Variants in ITPRID1 observed in about 807,000 individuals in gnomAD.
ITPRID1 encodes ITPR interacting domain containing 1, also known as protein ITPRID1.
ITPRID1 carries 96 observed loss-of-function variants against 95.4 expected under a neutral mutation model. The observed-to-expected ratio is 1.01, with a 90% CI of 0.85 to 1.19. The LOEUF (loss-of-function observed/expected upper bound fraction) is 1.19, where lower values mean the gene tolerates loss of function less well. Among genes scored for constraint, ITPRID1 ranks in the 50% most tolerant of loss-of-function variants. The pLI is 0.00. For missense variants in ITPRID1, 1,339 were observed against 1,252.9 expected, an observed-to-expected ratio of 1.07 and a Z score of -1.04; for synonymous variants, 510 against 453.6, an observed-to-expected ratio of 1.12 and a Z score of -1.58.
chr7:31,644,490 T>C (rs914645238), intron 12 of ITPRID1, among the ~76,000 whole-genome samples: 1 of 152,206 alleles, frequency 6.6e-6, no homozygotes, highest in Non-Finnish European at 1.5e-5. Context: ...GTTACTCTTA[T>C]ATGTGTTACT....
chr7:31,638,278 A>G (rs765379605), intron 10 of ITPRID1, among the ~76,000 whole-genome samples: 6 of 152,220 alleles, frequency 3.9e-5, no homozygotes, highest in Non-Finnish European at 7.3e-5. Flanking sequence ...GAAGTCTTAA[A>G]TATTACACTA....
intron 1 of ITPRID1, among the ~76,000 whole-genome samples, chr7:31,539,174 G>T (rs1562555499): frequency 6.6e-6 from 1 of 152,020 alleles, no homozygotes; most frequent in African/African-American, 2.4e-5. Context: ...GTGAACATAA[G>T]TTTTTTTGTT....
At chr7:31,546,744 G>A (rs566555302) in intron 1 of ITPRID1, among the ~76,000 whole-genome samples, 4 of 152,146 alleles carry the variant, frequency 2.6e-5, no homozygotes, top group Admixed American at 6.5e-5. Context: ...AAAATCTCAC[G>A]ATGGTTAAAC....
chr7:31,590,588 C>G (rs902003204), intron 10 of ITPRID1, among the ~76,000 whole-genome samples: 1 of 151,702 alleles, frequency 6.6e-6, no homozygotes, highest in Non-Finnish European at 1.5e-5. Flanking sequence ...TTTCAGCCAT[C>G]ATGAATATAA....
intron 10 of ITPRID1, among the ~76,000 whole-genome samples, chr7:31,603,098 G>T (rs1786467851): frequency 6.6e-6 from 1 of 152,048 alleles, no homozygotes; most frequent in Non-Finnish European, 1.5e-5. Flanking sequence ...ATAAAGACCT[G>T]CTGATCCCTA....
chr7:31,603,258 C>T (rs1379654834), intron 10 of ITPRID1, among the ~76,000 whole-genome samples: 1 of 152,128 alleles, frequency 6.6e-6, no homozygotes, highest in African/African-American at 2.4e-5. Context: ...CTTGTCCCAA[C>T]GAGTGGTGCC....
intron 5 of ITPRID1, among the ~76,000 whole-genome samples, chr7:31,557,653 A>G (rs1422778002): frequency 1.3e-5 from 2 of 152,156 alleles, no homozygotes; most frequent in Admixed American, 6.6e-5. Flanking sequence ...ATTAATGCAT[A>G]CTGAGGATGC....
At chr7:31,651,811 G>T in intron 13 of ITPRID1, 128 bp from the exon 14 acceptor site, 1 of 635,206 alleles carries the variant, frequency 1.6e-6, no homozygotes, top group Non-Finnish European at 2.7e-6. Context: ...GTCTCCAGCT[G>T]ACACAAATAA....
At chr7:31,616,836 T>A (rs1228463895) in intron 10 of ITPRID1, among the ~76,000 whole-genome samples, 1 of 152,118 alleles carries the variant, frequency 6.6e-6, no homozygotes, top group Non-Finnish European at 1.5e-5. Flanking sequence ...TTCAAACAAT[T>A]ATCAGATATC....
Position 31,643,709 on chromosome 7 carries a change from C to A in ITPRID1, c.2339C>A (p.Thr780Asn). 2 of 1,614,068 alleles carry A rather than the reference C, an allele frequency of 1.2e-6. No homozygotes were observed. Among genetic ancestry groups the A allele is most frequent in the Middle Eastern group, 1.7e-4 (1 of 6,060 alleles). The change falls in exon 12 of 15, where the codon ACC becomes AAC. Residue 780 changes from threonine to asparagine, a missense_variant. Coordinates refer to ENST00000615280, the MANE Select transcript of ITPRID1 (RefSeq NM_001257967.3). ...KTLTHGPQPLTKSVSLDSGFS... is the reference protein window; with the variant it reads ...KTLTHGPQPLNKSVSLDSGFS... Reference sequence around the variant, plus strand: ...TTGACACATGGGCCCCAGCCCCTCACCAAATCCGTCTCTCTAGACTCAGGC... The same window carrying A: ...TTGACACATGGGCCCCAGCCCCTCAACAAATCCGTCTCTCTAGACTCAGGC...
chr7:31,565,380 C>T (rs1464492385), intron 5 of ITPRID1, among the ~76,000 whole-genome samples: 2 of 152,172 alleles, frequency 1.3e-5, no homozygotes, highest in Admixed American at 6.5e-5. Context: ...GCAGAGAAGG[C>T]TGTATGTCTG....
At position 31,652,545 on chromosome 7, in the gene ITPRID1, C is replaced by A. The variant is rs1187878218; in HGVS notation, c.2851C>A (p.Pro951Thr). 3.7e-6 allele frequency: 6 copies of A among 1,606,368 alleles called. No homozygotes were observed. In the African/African-American group the frequency reaches 5.3e-5, roughly 14 times the overall value. The change falls in exon 15 of 15, where the codon CCT becomes ACT. Residue 951 changes from proline (P) to threonine (T), a missense_variant. Pro to Thr is a conservative substitution (Grantham distance 38, BLOSUM62 -1). Transcript: ENST00000615280. Reference sequence around the variant, plus strand: ...GCTGGAGGTTCTCACAGCAGAGCCACCTGAACACTATTCAAATCTGCATCA... The same window carrying A: ...GCTGGAGGTTCTCACAGCAGAGCCAACTGAACACTATTCAAATCTGCATCA... The part of the protein sequence containing the change: ...LQLEVLTAEP[P>T]EHYSNLHQYN...
At position 31,653,801 on chromosome 7, in the gene ITPRID1, C is replaced by A. The variant is rs1053566796; in HGVS notation, c.*972C>A. ...TTATTAAAAACTCTGAAGGAAATAACAGGTTTTGTGAAAGAGAACACAGAA... is the reference window on the plus strand; with the variant it reads ...TTATTAAAAACTCTGAAGGAAATAAAAGGTTTTGTGAAAGAGAACACAGAA... On this transcript the variant is annotated 3_prime_UTR_variant, in exon 15 of 15. Coordinates refer to ENST00000615280, the MANE Select transcript of ITPRID1 (RefSeq NM_001257967.3). 4.6e-5 allele frequency: 7 copies of A among 152,068 alleles called. No individual in the cohort carries two copies. Among genetic ancestry groups the A allele is most frequent in the African/African-American group, 1.4e-4 (6 of 41,408 alleles). The allele number at this position is 152,068 out of a possible 1,614,324, so 9.4% of individuals were successfully genotyped here.
chr7:31,549,399 G>C (rs185080697), intron 1 of ITPRID1, 27 bp from the exon 2 acceptor site: 15 of 1,359,404 alleles, frequency 1.1e-5, no homozygotes, highest in Non-Finnish European at 1.2e-5. Context: ...TGATTGCATT[G>C]ATTGGTGATT....
intron 5 of ITPRID1, among the ~76,000 whole-genome samples, chr7:31,560,985 T>A (rs2098134): frequency 0.58 from 87,463 of 151,228 alleles, 26,418 homozygotes; most frequent in Middle Eastern, 0.72. Flanking sequence ...GGTAATGAGG[T>A]AAAAAGGGAA....
intron 10 of ITPRID1, among the ~76,000 whole-genome samples, chr7:31,603,450 C>T (rs1249164368): frequency 1.4e-5 from 2 of 147,326 alleles, no homozygotes; most frequent in South Asian, 2.1e-4. Flanking sequence ...ATTTTGCAGC[C>T]GGCAATCAGT....
chr7:31,639,266 G>GT (rs1283809971), intron 10 of ITPRID1, among the ~76,000 whole-genome samples: 42 of 151,858 alleles, frequency 2.8e-4, no homozygotes, highest in African/African-American at 1.0e-3. Context: ...ATGCATTTTC[G>GT]TTTTAAAAAG....
chr7:31,585,050 T>G (rs1184204195), intron 10 of ITPRID1, among the ~76,000 whole-genome samples: 1 of 152,204 alleles, frequency 6.6e-6, no homozygotes, highest in African/African-American at 2.4e-5. Flanking sequence ...TGGTGGACAG[T>G]GCTGCATGAG....
rs548202062 is a variant in ITPRID1, at chr7:31,622,394, C to T, written c.1229-19782C>T. Among the ~76,000 whole-genome samples, 770 of 151,964 alleles carry T rather than the reference C, an allele frequency of 5.1e-3. 6 individuals carry two copies. Among genetic ancestry groups the T allele is most frequent in the African/African-American group, 0.018 (740 of 41,418 alleles). ...TCAGCAAATGTAAAAGAACAGAAAT[C>T]ATAACAAACTATCTCTCAGACCACA... On this transcript the variant is annotated intron_variant, in intron 10 of 14. Transcript: ENST00000615280.
Sources: allele counts gnomAD v4.1 joint callset (sites outside exome capture counted in the v4.1 genomes callset), GRCh38; gene constraint gnomAD v4.1.1; transcripts MANE v1.5; gene names NCBI Gene and HGNC (gene_info 2026-07-23, HGNC 2026-07-21).